Variants in CACNA1D observed in about 807,000 individuals in gnomAD.
The protein encoded by CACNA1D is voltage-dependent L-type calcium channel subunit alpha-1D.
In CACNA1D, 55 loss-of-function variants were observed where a neutral mutation model predicts 257.1. The observed-to-expected ratio is 0.21, with a 90% CI of 0.17 to 0.27. The LOEUF is 0.27. Among genes scored for constraint, CACNA1D ranks in the 10% least tolerant of loss-of-function variants. The pLI is 1.00. For missense variants in CACNA1D, 1,876 were observed against 2,784.0 expected, an observed-to-expected ratio of 0.67 and a Z score of 7.34; for synonymous variants, 980 against 1,014.9, an observed-to-expected ratio of 0.97 and a Z score of 0.65.
chr3:53,712,411 C>A (rs1303356472), intron 9 of CACNA1D, among the ~76,000 whole-genome samples: 2 of 152,216 alleles, frequency 1.3e-5, no homozygotes, highest in East Asian at 1.9e-4. Flanking sequence ...GGGCATAATT[C>A]TTGCTTGAGA....
chr3:53,678,248 A>G (rs2108445407), intron 8 of CACNA1D, among the ~76,000 whole-genome samples: 1 of 152,362 alleles, frequency 6.6e-6, no homozygotes, highest in East Asian at 1.9e-4. Context: ...TCGCTTATGA[A>G]TTCAAACCTT....
At chr3:53,561,660 C>T (rs1282766359) in intron 3 of CACNA1D, among the ~76,000 whole-genome samples, 1 of 152,150 alleles carries the variant, frequency 6.6e-6, no homozygotes, top group Non-Finnish European at 1.5e-5. Context: ...TCGCAGTATG[C>T]TCCTAGATCA....
At chr3:53,804,550 C>A (rs1195297534) in intron 44 of CACNA1D, among the ~76,000 whole-genome samples, 2 of 152,246 alleles carry the variant, frequency 1.3e-5, no homozygotes, top group Non-Finnish European at 2.9e-5. Flanking sequence ...CCAGCACTGG[C>A]CCTTTCCAGC....
intron 3 of CACNA1D, among the ~76,000 whole-genome samples, chr3:53,647,919 T>G (rs529264849): frequency 6.6e-6 from 1 of 152,288 alleles, no homozygotes; most frequent in Non-Finnish European, 1.5e-5. Flanking sequence ...ATCAAATAAT[T>G]CACTAAGGAT....
intron 25 of CACNA1D, among the ~76,000 whole-genome samples, chr3:53,747,081 G>A (rs745307041): frequency 5.7e-4 from 87 of 152,296 alleles, no homozygotes; most frequent in Middle Eastern, 3.4e-3. Context: ...GAGAATACAC[G>A]TTGCACTGGT....
chr3:53,688,562 G>A (rs2094493307), intron 8 of CACNA1D, among the ~76,000 whole-genome samples: 1 of 152,188 alleles, frequency 6.6e-6, no homozygotes, highest in South Asian at 2.1e-4. Flanking sequence ...ACACTGGCCT[G>A]GTTGTGTCCT....
intron 3 of CACNA1D, among the ~76,000 whole-genome samples, chr3:53,625,888 G>C (rs534946357): frequency 6.6e-6 from 1 of 152,192 alleles, no homozygotes; most frequent in Non-Finnish European, 1.5e-5. Flanking sequence ...GAAAGGACCT[G>C]AAGATCCATG....
intron 3 of CACNA1D, among the ~76,000 whole-genome samples, chr3:53,623,539 G>C (rs1266437493): frequency 6.6e-6 from 1 of 152,230 alleles, no homozygotes; most frequent in Admixed American, 6.5e-5. Flanking sequence ...TTGTAATACA[G>C]GTTGGAATAA....
At chr3:53,500,800 T>C (rs889377081) in intron 2 of CACNA1D, among the ~76,000 whole-genome samples, 2 of 152,240 alleles carry the variant, frequency 1.3e-5, no homozygotes, top group Non-Finnish European at 2.9e-5. Flanking sequence ...AAGTATCTCT[T>C]GAAGGCTGAT....
chr3:53,640,006 C>A (rs2093932580), intron 3 of CACNA1D, among the ~76,000 whole-genome samples: 1 of 151,782 alleles, frequency 6.6e-6, no homozygotes, highest in Non-Finnish European at 1.5e-5. Context: ...GGATTACAGA[C>A]TCGTGCCACC....
intron 3 of CACNA1D, among the ~76,000 whole-genome samples, chr3:53,598,719 T>C (rs1452749836): frequency 6.6e-6 from 1 of 152,208 alleles, no homozygotes; most frequent in Non-Finnish European, 1.5e-5. Flanking sequence ...TTCAGAAGAA[T>C]TACATAGTCA....
At chr3:53,758,553 C>T (rs1165439326) in intron 29 of CACNA1D, among the ~76,000 whole-genome samples, 1 of 152,184 alleles carries the variant, frequency 6.6e-6, no homozygotes, top group Non-Finnish European at 1.5e-5. Context: ...AGGAGACAAA[C>T]ATTGATGGAT....
chr3:53,616,632 C>T lies in CACNA1D; in HGVS notation c.484-34147C>T, dbSNP rs2093640357. 2.0e-5 allele frequency among the ~76,000 whole-genome samples: 3 copies of T among 152,264 alleles called. No individual in the cohort carries two copies. The South Asian group carries it at 6.2e-4, about 32-fold the overall frequency. On this transcript the variant is annotated intron_variant, in intron 3 of 47. Transcript: ENST00000350061. The stretch of plus-strand genomic sequence containing the variant: ...TAGGAGGAAATGCACTATGCCTTCC[C>T]TGTTTTTGTTTTGTGTGTGTTTTGA...
intron 4 of CACNA1D, among the ~76,000 whole-genome samples, chr3:53,653,053 C>T (rs769442371): frequency 2.0e-5 from 3 of 152,138 alleles, no homozygotes; most frequent in Non-Finnish European, 4.4e-5. Context: ...GAGTTCAAGA[C>T]CAGCATGGCC....
chr3:53,578,121 G>A (rs533893284), intron 3 of CACNA1D, among the ~76,000 whole-genome samples: 8 of 152,262 alleles, frequency 5.3e-5, no homozygotes, highest in South Asian at 4.1e-4. Flanking sequence ...TCTGTGGCCC[G>A]TTGGAATGTG....
Position 53,624,444 on chromosome 3 carries a change from C to T in CACNA1D, c.484-26335C>T, listed in dbSNP as rs186418904. On this transcript the variant is annotated intron_variant, in intron 3 of 47. Coordinates refer to ENST00000350061, the MANE Select transcript of CACNA1D (RefSeq NM_001128840.3). ...GAGCCCTCCTGGCTAGTGAGGTTGG[C>T]TCTGCCTGCCTTTGCCCATCCCACC... Among the ~76,000 whole-genome samples, 199 of 152,358 alleles carry T rather than the reference C, an allele frequency of 1.3e-3. 2 individuals carry two copies. The highest frequency in any genetic ancestry group is 2.0e-3 in the Non-Finnish European group (138 of 68,024).
chr3:53,529,149 G>T (rs1344871023), intron 3 of CACNA1D, among the ~76,000 whole-genome samples: 2 of 152,156 alleles, frequency 1.3e-5, no homozygotes, highest in African/African-American at 4.8e-5. Context: ...TGGAGGTTCT[G>T]CATAGGTGTC....
chr3:53,748,783 A>T (rs377431100), intron 26 of CACNA1D, among the ~76,000 whole-genome samples: 2 of 152,116 alleles, frequency 1.3e-5, no homozygotes, highest in South Asian at 2.1e-4. Flanking sequence ...CAGAATGGGG[A>T]TCAATGGACC....
intron 45 of CACNA1D, 60 bp downstream of exon 45, chr3:53,805,206 A>AGAGCGGGGGTTGGGGGAG: frequency 2.0e-6 from 3 of 1,532,274 alleles, no homozygotes; most frequent in Non-Finnish European, 1.8e-6. Flanking sequence ...CCTCTCCCCC[A>AGAGCGGGGGTTGGGGGAG]ACCCCCGCTC....
Sources: allele counts gnomAD v4.1 joint callset (sites outside exome capture counted in the v4.1 genomes callset), GRCh38; gene constraint gnomAD v4.1.1; transcripts MANE v1.5; gene names NCBI Gene and HGNC (gene_info 2026-07-23, HGNC 2026-07-21).